Variants in GRM8 observed in about 807,000 individuals in gnomAD.
The protein encoded by GRM8 is metabotropic glutamate receptor 8.
Under a neutral mutation model 87.2 loss-of-function variants are expected in GRM8, and 47 were observed. The observed-to-expected ratio is 0.54, with a 90% confidence interval of 0.43 to 0.69. The LOEUF (loss-of-function observed/expected upper bound fraction) is 0.69, where lower values mean the gene tolerates loss of function less well. Ranked by LOEUF, GRM8 falls within the 30% of genes least tolerant of loss-of-function variation. The pLI, the probability that GRM8 is intolerant of heterozygous loss-of-function variation, is 0.00. For missense variants in GRM8, 1,019 were observed against 1,139.2 expected, an observed-to-expected ratio of 0.89 and a Z score of 1.52; for synonymous variants, 396 against 404.5, an observed-to-expected ratio of 0.98 and a Z score of 0.25.
chr7:126,523,498 AT>A (rs34139224), intron 9 of GRM8, among the ~76,000 whole-genome samples: 1,460 of 141,738 alleles, frequency 0.01, 8 homozygotes, highest in African/African-American at 0.027. Flanking sequence ...AGACCTCTCA[AT>A]TTTTTTTTTT....
chr7:127,048,173 G>A (rs1043235880), intron 3 of GRM8, among the ~76,000 whole-genome samples: 2 of 152,194 alleles, frequency 1.3e-5, no homozygotes, highest in African/African-American at 4.8e-5. Flanking sequence ...GGAGGGGAAA[G>A]AACTACAGTT....
At chr7:126,918,106 C>T (rs369015897) in intron 3 of GRM8, among the ~76,000 whole-genome samples, 2 of 152,246 alleles carry the variant, frequency 1.3e-5, no homozygotes, top group East Asian at 3.9e-4. Context: ...TCATATAGGG[C>T]AGCCTAGGGA....
intron 7 of GRM8, among the ~76,000 whole-genome samples, chr7:126,683,003 C>T (rs1047410473): frequency 3.9e-5 from 6 of 152,010 alleles, no homozygotes; most frequent in African/African-American, 7.2e-5. Flanking sequence ...GAACCTAGAT[C>T]GTGCCACTGC....
intron 3 of GRM8, chr7:127,075,888 T>C (rs1416485967): frequency 4.4e-6 from 1 of 229,538 alleles, no homozygotes; most frequent in Admixed American, 5.2e-5. Context: ...AGGGTAGCAT[T>C]AGTTAGGCGA....
chr7:126,513,662 CCTTA>C (rs900485762), intron 9 of GRM8, among the ~76,000 whole-genome samples: 6 of 152,114 alleles, frequency 3.9e-5, no homozygotes, highest in Admixed American at 6.6e-5. Flanking sequence ...TCACCTCTCT[CCTTA>C]CTTTTATACT....
chr7:127,090,652 A>G (rs1170759213), intron 3 of GRM8, among the ~76,000 whole-genome samples: 2 of 152,048 alleles, frequency 1.3e-5, no homozygotes, highest in African/African-American at 2.4e-5. Flanking sequence ...CTGTTTCCCA[A>G]CTGAAACCTG....
Position 127,106,637 on chromosome 7 carries a change from C to G in GRM8, c.586G>C (p.Val196Leu), listed in dbSNP as rs1343061248. 1 of 1,613,962 alleles carries G rather than the reference C, an allele frequency of 6.2e-7. No individual in the cohort carries two copies. Among genetic ancestry groups the G allele is most frequent in the Admixed American group, 1.7e-5 (1 of 59,982 alleles). Residue 196 changes from valine (V) to leucine (L), a missense_variant, in exon 3 of 11, where the codon GTT becomes CTT. Val to Leu is a conservative substitution (Grantham distance 32). Transcript: ENST00000339582. ...NTRYDFFSRV[V>L]PPDSYQAQAM... ...TGGGCTTGGTAGGAGTCAGGCGGAA[C>G]CACTCGAGAGAAAAAGTCATACCTG... is the stretch of plus-strand genomic sequence containing the variant.
intron 7 of GRM8, among the ~76,000 whole-genome samples, chr7:126,739,445 T>C (rs893584486): frequency 1.3e-5 from 2 of 151,746 alleles, no homozygotes; most frequent in Non-Finnish European, 2.9e-5. Flanking sequence ...ATACAAAACA[T>C]AGTTTATATT....
chr7:127,152,626 G>A (rs1400382905), intron 2 of GRM8, among the ~76,000 whole-genome samples: 1 of 151,996 alleles, frequency 6.6e-6, no homozygotes, highest in Non-Finnish European at 1.5e-5. Flanking sequence ...TTGATCCCAG[G>A]GGAAGGTCAG....
At chr7:127,092,122 C>T (rs949488014) in intron 3 of GRM8, among the ~76,000 whole-genome samples, 5 of 150,312 alleles carry the variant, frequency 3.3e-5, no homozygotes, top group African/African-American at 9.9e-5. Context: ...CCCTCCATTG[C>T]TTAATCCCTT....
At chr7:126,679,484 C>T (rs1246450400) in intron 7 of GRM8, among the ~76,000 whole-genome samples, 1 of 152,038 alleles carries the variant, frequency 6.6e-6, no homozygotes, top group Non-Finnish European at 1.5e-5. Flanking sequence ...AACACTAATG[C>T]CTAGAGAGTG....
chr7:126,623,536 C>A lies in GRM8; in HGVS notation c.1358-14038G>T, dbSNP rs577302426. Reference sequence around the variant, plus strand: ...CTGACCAGATTAAAACAACACAGGTCTAAAAGGCAGATAATTTCAGCAGCC... The same window carrying A: ...CTGACCAGATTAAAACAACACAGGTATAAAAGGCAGATAATTTCAGCAGCC... On this transcript the variant is annotated intron_variant, in intron 7 of 10. Coordinates refer to ENST00000339582, the MANE Select transcript of GRM8 (RefSeq NM_000845.3). Among the ~76,000 whole-genome samples the A allele has an allele frequency of 2.6e-5, 4 of 152,274 alleles. No individual in the cohort carries two copies. The East Asian group carries it at 7.7e-4, about 29-fold the overall frequency.
intron 3 of GRM8, among the ~76,000 whole-genome samples, chr7:127,067,182 C>A (rs886852604): frequency 3.9e-5 from 6 of 152,200 alleles, no homozygotes; most frequent in African/African-American, 1.2e-4. Context: ...GACCACCTCC[C>A]TCTGGTGGCC....
chr7:126,849,091 C>T lies in GRM8; in HGVS notation c.1156+53451G>A, dbSNP rs138558705. Among the ~76,000 whole-genome samples, 332 of 152,164 alleles carry T rather than the reference C, an allele frequency of 2.2e-3. 1 individual carries two copies. The highest frequency in any genetic ancestry group is 7.7e-3 in the African/African-American group (318 of 41,512). ...ATAGGAACAACCTGCCCCTATGATT[C>T]AGTTACCTCCCACCAGGTCACTCCC... On this transcript the variant is annotated intron_variant, in intron 6 of 10. Coordinates refer to ENST00000339582, the MANE Select transcript of GRM8 (RefSeq NM_000845.3).
intron 2 of GRM8, among the ~76,000 whole-genome samples, chr7:127,194,323 G>A (rs562386057): frequency 6.0e-4 from 92 of 152,200 alleles, no homozygotes; most frequent in African/African-American, 2.0e-3. Flanking sequence ...GCAGGACTGC[G>A]GCGTAAATAA....
chr7:126,982,950 A>T (rs989412365), intron 3 of GRM8, among the ~76,000 whole-genome samples: 1 of 152,120 alleles, frequency 6.6e-6, no homozygotes, highest in East Asian at 1.9e-4. Flanking sequence ...ATACTAAGAG[A>T]TGCCCTAATG....
chr7:126,835,086 T>TAAAAAAAAAAA (rs11387803), intron 6 of GRM8, among the ~76,000 whole-genome samples: 1 of 137,372 alleles, frequency 7.3e-6, no homozygotes, highest in Non-Finnish European at 1.6e-5. Context: ...AAAAAAAAAA[T>TAAAAAAAAAAA]AAAAAAAAAA....
chr7:127,211,783 T>C (rs536741695), intron 2 of GRM8, among the ~76,000 whole-genome samples: 1 of 152,290 alleles, frequency 6.6e-6, no homozygotes, highest in Non-Finnish European at 1.5e-5. Context: ...ACACACCAAA[T>C]CTGTTGGCAC....
At chr7:127,238,101 G>T (rs1469920329) in intron 2 of GRM8, among the ~76,000 whole-genome samples, 1 of 152,016 alleles carries the variant, frequency 6.6e-6, no homozygotes, top group Non-Finnish European at 1.5e-5. Flanking sequence ...CTTTTCACTG[G>T]GTTGTCTGCA....
Sources: gnomAD v4.1 joint callset for allele counts (sites outside exome capture counted in the v4.1 genomes callset) on GRCh38, gnomAD v4.1.1 for gene constraint, MANE v1.5 for transcripts, NCBI Gene and HGNC (gene_info 2026-07-23, HGNC 2026-07-21) for gene names.